Variants in PREX1 observed in about 807,000 individuals in gnomAD.
The protein encoded by PREX1 is phosphatidylinositol-3,4,5-trisphosphate dependent Rac exchange factor 1, also known as phosphatidylinositol 3,4,5-trisphosphate-dependent Rac exchanger 1 protein.
PREX1 carries 41 observed loss-of-function variants against 198.3 expected under a neutral mutation model. That is an observed-to-expected ratio of 0.21 (90% confidence interval 0.16 to 0.27). PREX1 has a LOEUF of 0.27. Among genes scored for constraint, PREX1 ranks in the 10% least tolerant of loss-of-function variants. The pLI is 1.00. For missense variants in PREX1, 1,620 were observed against 2,200.7 expected, an observed-to-expected ratio of 0.74 and a Z score of 5.28; for synonymous variants, 843 against 887.2, an observed-to-expected ratio of 0.95 and a Z score of 0.89.
chr20:48,655,579 T>C (rs1364676607), intron 18 of PREX1, among the ~76,000 whole-genome samples: 1 of 152,174 alleles, frequency 6.6e-6, no homozygotes, highest in Non-Finnish European at 1.5e-5. Context: ...CCAGGATCTT[T>C]GATTAAGCAC....
intron 5 of PREX1, among the ~76,000 whole-genome samples, chr20:48,721,099 TC>T (rs2122680393): frequency 6.6e-6 from 1 of 152,286 alleles, no homozygotes; most frequent in African/African-American, 2.4e-5. Flanking sequence ...CACATAAAAG[TC>T]CCAATTTCTG....
intron 1 of PREX1, among the ~76,000 whole-genome samples, chr20:48,751,230 T>C (rs1234379978): frequency 6.6e-6 from 1 of 152,080 alleles, no homozygotes; most frequent in African/African-American, 2.4e-5. Context: ...CTGGGGTTCC[T>C]AGAGGATGTT....
At chr20:48,707,567 C>CA (rs1342601658) in intron 6 of PREX1, among the ~76,000 whole-genome samples, 1 of 152,218 alleles carries the variant, frequency 6.6e-6, no homozygotes, top group Non-Finnish European at 1.5e-5. Flanking sequence ...AATCTCTGCC[C>CA]AAGAGACTTT....
intron 7 of PREX1, among the ~76,000 whole-genome samples, chr20:48,695,628 C>A (rs911132609): frequency 4.6e-5 from 7 of 152,194 alleles, no homozygotes; most frequent in African/African-American, 1.7e-4. Flanking sequence ...ACAGTAGGAG[C>A]TCATTAATAT....
chr20:48,638,869 A>G (rs1205069249), intron 30 of PREX1, among the ~76,000 whole-genome samples: 2 of 152,238 alleles, frequency 1.3e-5, no homozygotes, highest in Non-Finnish European at 2.9e-5. Context: ...CACAGCCAGT[A>G]AGTGGGTGAG....
At chr20:48,772,602 G>A (rs779820281) in intron 1 of PREX1, among the ~76,000 whole-genome samples, 3 of 152,242 alleles carry the variant, frequency 2.0e-5, no homozygotes, top group Non-Finnish European at 2.9e-5. Context: ...GAAGTCGGCA[G>A]CTCAGCGGGA....
intron 13 of PREX1, among the ~76,000 whole-genome samples, chr20:48,677,639 T>C (rs1045170051): frequency 6.6e-6 from 1 of 152,240 alleles, no homozygotes; most frequent in African/African-American, 2.4e-5. Context: ...GACAAGCTTT[T>C]ACTGAGTCCC....
At chr20:48,784,848 G>A (rs546244202) in intron 1 of PREX1, among the ~76,000 whole-genome samples, 3 of 152,148 alleles carry the variant, frequency 2.0e-5, no homozygotes, top group South Asian at 4.1e-4. Context: ...ACCCTCCCTT[G>A]TGCAATCTCA....
In PREX1 at chr20:48,691,848, G is replaced by A. The variant is rs148556372; in HGVS notation, c.1037-752C>T. Among the ~76,000 whole-genome samples, 44 of 152,324 alleles carry A rather than the reference G, an allele frequency of 2.9e-4. No individual in the cohort carries two copies. Among genetic ancestry groups the A allele is most frequent in the African/African-American group, 1.0e-3 (43 of 41,562 alleles). ...AGAGACATGGATGAACCCCACTAACGTGGTGTTGAGTGAAAGCAGTTTGTT... is the reference window on the plus strand; with the variant it reads ...AGAGACATGGATGAACCCCACTAACATGGTGTTGAGTGAAAGCAGTTTGTT... On this transcript the variant is annotated intron_variant, in intron 8 of 39. Transcript: ENST00000371941. The surrounding 1 kb of genome is among the most constrained non-coding windows in gnomAD (Gnocchi z 5.0).
chr20:48,704,071 T>C (rs2089890143), intron 6 of PREX1, among the ~76,000 whole-genome samples: 1 of 152,182 alleles, frequency 6.6e-6, no homozygotes, highest in Admixed American at 6.5e-5. Context: ...CCACGCACTG[T>C]TCTAAATATC....
chr20:48,771,171 A>G (rs1451020472), intron 1 of PREX1, among the ~76,000 whole-genome samples: 2 of 151,872 alleles, frequency 1.3e-5, no homozygotes, highest in African/African-American at 4.8e-5. Context: ...CCGGTTGCAC[A>G]TAATTTTGCA....
At chr20:48,732,392 AG>A (rs1269131973) in intron 4 of PREX1, among the ~76,000 whole-genome samples, 1 of 150,802 alleles carries the variant, frequency 6.6e-6, no homozygotes, top group African/African-American at 2.4e-5. Flanking sequence ...ATTATTTTAT[AG>A]TTTAGCACTC....
intron 37 of PREX1, 41 bp from the exon 38 acceptor site, chr20:48,628,004 G>T: frequency 5.0e-6 from 5 of 1,006,606 alleles, no homozygotes; most frequent in South Asian, 1.3e-5. Flanking sequence ...GCGGTGGGGG[G>T]ACAGGGGTCG....
At chr20:48,634,093 T>C (rs142390668) in intron 33 of PREX1, among the ~76,000 whole-genome samples, 70 of 146,852 alleles carry the variant, frequency 4.8e-4, no homozygotes, top group Middle Eastern at 7.1e-3. Flanking sequence ...GACGGATGGA[T>C]GGATGGATGC....
chr20:48,800,902 C>T (rs1473268270), intron 1 of PREX1, among the ~76,000 whole-genome samples: 7 of 152,196 alleles, frequency 4.6e-5, no homozygotes, highest in East Asian at 3.9e-4. Context: ...GCAATCCTCC[C>T]GCCATGGCCT....
the PREX1 span, among the ~76,000 whole-genome samples, chr20:48,879,545 G>A: frequency 6.6e-6 from 1 of 152,100 alleles, no homozygotes; most frequent in South Asian, 2.1e-4. Context: ...GGTCTAGCAG[G>A]GCCTCCTGTA....
chr20:48,680,012 G>T (rs1350515807), intron 11 of PREX1, among the ~76,000 whole-genome samples: 2 of 152,168 alleles, frequency 1.3e-5, no homozygotes, highest in African/African-American at 4.8e-5. Context: ...CTCGCAGCTT[G>T]GGGTGGGGCA....
intron 3 of PREX1, among the ~76,000 whole-genome samples, chr20:48,741,700 C>T (rs903729191): frequency 2.0e-5 from 3 of 151,992 alleles, no homozygotes; most frequent in Non-Finnish European, 2.9e-5. Flanking sequence ...AGGGGAGGGG[C>T]GCGGAAGGGC....
intron 5 of PREX1, among the ~76,000 whole-genome samples, chr20:48,723,580 A>G (rs6066825): frequency 0.46 from 70,504 of 152,028 alleles, 18,299 homozygotes; most frequent in African/African-American, 0.7. Flanking sequence ...AAACACAGCT[A>G]GAGACCAAGG....
Sources: allele counts gnomAD v4.1 joint callset (sites outside exome capture counted in the v4.1 genomes callset), GRCh38; gene constraint gnomAD v4.1.1; non-coding constraint Gnocchi (gnomAD v3.1); transcripts MANE v1.5; gene names NCBI Gene and HGNC (gene_info 2026-07-23, HGNC 2026-07-21).